The following ZNF610 variants were observed in gnomAD, a reference collection of about 807,000 sequenced individuals.
ZNF610 encodes the protein zinc finger protein 610.
ZNF610 carries 14 observed loss-of-function variants against 14.1 expected under a neutral mutation model. The ratio of observed to expected loss-of-function variants is 0.99; its 90% CI spans 0.65 to 1.55. ZNF610 has a LOEUF of 1.55. ZNF610 is among the 40% of genes most tolerant of loss of function. The pLI, the probability that ZNF610 is intolerant of heterozygous loss-of-function variation, is 0.00. For missense variants in ZNF610, 530 were observed against 558.0 expected (o/e 0.95, Z 0.51); for synonymous variants, 185 against 187.6 (o/e 0.99, Z 0.11).
chr19:52,360,998 G>C (rs10423371), intron 5 of ZNF610, among the ~76,000 whole-genome samples: 2,027 of 152,170 alleles, frequency 0.013, 28 homozygotes, highest in African/African-American at 0.041. Context: ...ATTTGATAGC[G>C]TTTTACAGTG....
At chr19:52,335,590 G>C (rs1473575236), upstream of ZNF610, among the ~76,000 whole-genome samples, 2 of 152,148 alleles carry the variant, frequency 1.3e-5, no homozygotes, top group African/African-American at 4.8e-5. Flanking sequence ...CTAATCAGCT[G>C]CCAGCACAGT....
intron 3 of ZNF610, among the ~76,000 whole-genome samples, chr19:52,351,565 G>A (rs1985253749): frequency 6.6e-6 from 1 of 151,876 alleles, no homozygotes; most frequent in Non-Finnish European, 1.5e-5. Flanking sequence ...GAGGTCCTGA[G>A]CTTTGTCTAG....
intron 5 of ZNF610, among the ~76,000 whole-genome samples, chr19:52,356,958 T>A (rs1240010039): frequency 6.6e-6 from 1 of 152,206 alleles, no homozygotes; most frequent in Non-Finnish European, 1.5e-5. Flanking sequence ...CTGCAGTGGC[T>A]ACTTGCTGGG....
At chr19:52,331,074 C>T in the ZNF610 span, among the ~76,000 whole-genome samples, 1 of 152,168 alleles carries the variant, frequency 6.6e-6, no homozygotes, top group Non-Finnish European at 1.5e-5. Context: ...CTGCACAGTG[C>T]TGCTTCCTTT....
chr19:52,340,079 G>A (rs1984604830), intron 1 of ZNF610, among the ~76,000 whole-genome samples: 1 of 152,178 alleles, frequency 6.6e-6, no homozygotes. Context: ...TAACCTGTGG[G>A]ACACACAGCT....
intron 3 of ZNF610, among the ~76,000 whole-genome samples, chr19:52,352,999 T>C (rs1456701629): frequency 1.3e-5 from 2 of 151,916 alleles, no homozygotes; most frequent in African/African-American, 4.8e-5. Flanking sequence ...AGTGCAGTGG[T>C]GCGATCTCGG....
At chr19:52,334,146 A>C (rs529423662), upstream of ZNF610, among the ~76,000 whole-genome samples, 1 of 152,338 alleles carries the variant, frequency 6.6e-6, no homozygotes, top group African/African-American at 2.4e-5. Flanking sequence ...GGGTATATGG[A>C]ACTTGTCTAC....
chr19:52,358,425 A>G (rs149706250), intron 5 of ZNF610, among the ~76,000 whole-genome samples: 4 of 152,120 alleles, frequency 2.6e-5, no homozygotes, highest in African/African-American at 9.7e-5. Context: ...CTCGTGATCC[A>G]CCCACCTCAG....
At chr19:52,342,430 C>T (rs1012058461) in intron 1 of ZNF610, among the ~76,000 whole-genome samples, 1 of 152,036 alleles carries the variant, frequency 6.6e-6, no homozygotes, top group Non-Finnish European at 1.5e-5. Flanking sequence ...TCTTTCTTTC[C>T]CTGTCAGCAG....
intron 1 of ZNF610, among the ~76,000 whole-genome samples, chr19:52,345,945 C>T (rs894699287): frequency 2.0e-5 from 3 of 150,852 alleles, no homozygotes; most frequent in Admixed American, 2.0e-4. Context: ...ACCTCGTGAT[C>T]CACCCGCCTT....
In ZNF610 at chr19:52,366,508, G is replaced by T. The variant is rs752248266; in HGVS notation, c.1130G>T (p.Cys377Phe). Residue 377 changes from cysteine (C) to phenylalanine (F), a missense_variant, in exon 6 of 6, where the codon TGT becomes TTT. By Grantham distance (205) the Cys-to-Phe change is radical (BLOSUM62 -2). Transcript: ENST00000403906. ...STEKPYKCNE[C>F]GRAFHKRPGL... Reference sequence around the variant, plus strand: ...GAGAAGCCCTACAAATGTAACGAATGTGGAAGAGCATTTCACAAGCGTCCG... The same window carrying T: ...GAGAAGCCCTACAAATGTAACGAATTTGGAAGAGCATTTCACAAGCGTCCG... 9.3e-6 allele frequency: 15 copies of T among 1,614,096 alleles called. No homozygotes were observed. In the Admixed American group the frequency reaches 1.5e-4, roughly 16 times the overall value.
chr19:52,364,974 G>A (rs901541884), intron 5 of ZNF610, among the ~76,000 whole-genome samples: 7 of 152,116 alleles, frequency 4.6e-5, no homozygotes, highest in South Asian at 4.1e-4. Flanking sequence ...GGCTGGGCAC[G>A]GTGGCTCACG....
chr19:52,361,217 T>A (rs1038672416), intron 5 of ZNF610, among the ~76,000 whole-genome samples: 1 of 151,690 alleles, frequency 6.6e-6, no homozygotes, highest in African/African-American at 2.4e-5. Flanking sequence ...TCGCTCTTGT[T>A]GCCCAGGCTG....
At chr19:52,330,934 T>A in the ZNF610 span, among the ~76,000 whole-genome samples, 1 of 152,182 alleles carries the variant, frequency 6.6e-6, no homozygotes, top group South Asian at 2.1e-4. Flanking sequence ...CTGATATACA[T>A]GAATGATTAA....
intron 5 of ZNF610, among the ~76,000 whole-genome samples, chr19:52,357,396 A>G (rs968445520): frequency 3.9e-5 from 6 of 152,140 alleles, no homozygotes; most frequent in Non-Finnish European, 8.8e-5. Flanking sequence ...CTGTAATCCC[A>G]GCACTTTGGG....
chr19:52,330,461 C>T, the ZNF610 span: 3 of 152,282 alleles, frequency 2.0e-5, no homozygotes, highest in Non-Finnish European at 2.9e-5. Flanking sequence ...CCCGAAGAAC[C>T]ACAGTTATTA....
At chr19:52,361,521 A>G (rs941515701) in intron 5 of ZNF610, among the ~76,000 whole-genome samples, 1 of 151,586 alleles carries the variant, frequency 6.6e-6, no homozygotes, top group Non-Finnish European at 1.5e-5. Flanking sequence ...AATGTCCTCT[A>G]TTCCATTTCT....
In ZNF610 at chr19:52,366,891, C is replaced by T. The variant is rs1281835758; in HGVS notation, c.*124C>T. On this transcript the variant is annotated 3_prime_UTR_variant, in exon 6 of 6. Coordinates refer to ENST00000403906, the MANE Select transcript of ZNF610 (RefSeq NM_001161425.2). ...TTTGCATTGAAGCCTCATCACTCAT[C>T]TCTTGATCCACACTGAAAGGAAACC... 3 of 692,356 alleles carry T rather than the reference C, an allele frequency of 4.3e-6. No homozygotes were observed. Among genetic ancestry groups the T allele is most frequent in the South Asian group, 2.0e-5 (1 of 50,156 alleles). 42.9% of individuals were successfully genotyped at this position (692,356 alleles called of 1,614,324 possible).
Position 52,365,929 on chromosome 19 carries a change from T to C in ZNF610, c.551T>C (p.Ile184Thr), listed in dbSNP as rs765516282. The C allele has an allele frequency of 5.0e-6, 8 of 1,612,968 alleles. No homozygotes were observed. In the Admixed American group the frequency reaches 8.4e-5, roughly 17 times the overall value. ...HIFNKYRNDL[I>T]DFPLLPQEEK... ...TTTAATAAATATAGAAATGATCTTA[T>C]TGATTTCCCATTACTCCCACAAGAA... Residue 184 changes from isoleucine (I) to threonine (T), a missense_variant, in exon 6 of 6, where the codon ATT becomes ACT. Physicochemically the swap from Ile to Thr is moderately conservative, Grantham distance 89 (BLOSUM62 -1). Coordinates refer to ENST00000403906, the MANE Select transcript of ZNF610 (RefSeq NM_001161425.2).
Sources: allele counts gnomAD v4.1 joint callset (sites outside exome capture counted in the v4.1 genomes callset), GRCh38; gene constraint gnomAD v4.1.1; transcripts MANE v1.5; gene names NCBI Gene and HGNC (gene_info 2026-07-23, HGNC 2026-07-21).